GRID2: variants seen among roughly 807,000 people sequenced by gnomAD.
GRID2 encodes glutamate ionotropic receptor delta type subunit 2.
A neutral mutation model predicts 114.8 loss-of-function variants in GRID2; 33 were observed. That is an observed-to-expected ratio of 0.29 (90% CI 0.22 to 0.38). GRID2 has a LOEUF of 0.38. GRID2 is among the 10% of genes least tolerant of loss of function. The probability of loss-of-function intolerance (pLI) is 1.00; values close to 1 mark genes in which losing one functional copy is unlikely to be tolerated. For missense variants in GRID2, 1,184 were observed against 1,257.7 expected (o/e 0.94, Z 0.89); for synonymous variants, 505 against 449.9 (o/e 1.12, Z -1.55).
intron 12 of GRID2, among the ~76,000 whole-genome samples, chr4:93,501,666 G>T (rs1728120352): frequency 6.6e-6 from 1 of 151,998 alleles, no homozygotes; most frequent in Non-Finnish European, 1.5e-5. Flanking sequence ...CTTTCAGTGA[G>T]CATTTAATTA....
At chr4:92,785,889 A>T (rs1238983360) in intron 2 of GRID2, among the ~76,000 whole-genome samples, 1 of 151,846 alleles carries the variant, frequency 6.6e-6, no homozygotes, top group African/African-American at 2.4e-5. Context: ...TCAATACCTG[A>T]TCATGGAAGC....
chr4:92,389,381 T>C (rs1433561255), intron 1 of GRID2, among the ~76,000 whole-genome samples: 1 of 152,054 alleles, frequency 6.6e-6, no homozygotes, highest in Non-Finnish European at 1.5e-5. Context: ...AATCAGTGAC[T>C]CTGATATGAC....
At chr4:93,751,077 ATTC>A (rs1005233873) in intron 14 of GRID2, among the ~76,000 whole-genome samples, 27 of 152,326 alleles carry the variant, frequency 1.8e-4, no homozygotes, top group African/African-American at 6.5e-4. Context: ...GGCTAGGGTC[ATTC>A]TTCTTAAATT....
chr4:93,616,062 G>A lies in GRID2; in HGVS notation c.2194-10207G>A, dbSNP rs552187457. Among the ~76,000 whole-genome samples the A allele has an allele frequency of 1.2e-4, 19 of 152,170 alleles. 2 individuals are homozygous for A. In the South Asian group the frequency reaches 3.9e-3, roughly 32 times the overall value. ...GTCATCTTGTAGTCATATGTCTAAAGGAGCTAGTTATCTCCTTCCATCTCT... is the reference window on the plus strand; with the variant it reads ...GTCATCTTGTAGTCATATGTCTAAAAGAGCTAGTTATCTCCTTCCATCTCT... On this transcript the variant is annotated intron_variant, in intron 13 of 15. Coordinates refer to ENST00000282020, the MANE Select transcript of GRID2 (RefSeq NM_001510.4).
chr4:93,653,264 C>T (rs1722745916), intron 14 of GRID2, among the ~76,000 whole-genome samples: 3 of 152,198 alleles, frequency 2.0e-5, no homozygotes, highest in Admixed American at 1.3e-4. Context: ...CACGCTGTCA[C>T]ATTTCCACCC....
chr4:92,989,621 G>C (rs1431818831), intron 2 of GRID2, among the ~76,000 whole-genome samples: 1 of 152,178 alleles, frequency 6.6e-6, no homozygotes, highest in East Asian at 1.9e-4. Flanking sequence ...GCTCTGGTCT[G>C]AAATTTTTAA....
At chr4:92,616,300 T>C (rs1730001332) in intron 2 of GRID2, among the ~76,000 whole-genome samples, 1 of 151,600 alleles carries the variant, frequency 6.6e-6, no homozygotes, top group Admixed American at 6.6e-5. Context: ...GCAGTGTCTT[T>C]CCACTGCCTT....
chr4:93,429,528 G>A (rs573328078), intron 10 of GRID2, among the ~76,000 whole-genome samples: 5 of 152,208 alleles, frequency 3.3e-5, no homozygotes, highest in Admixed American at 3.3e-4. Flanking sequence ...AAAATAATCT[G>A]TTCCTTCAGC....
At chr4:93,258,020 A>G (rs1197335323) in intron 8 of GRID2, among the ~76,000 whole-genome samples, 1 of 149,240 alleles carries the variant, frequency 6.7e-6, no homozygotes. Context: ...ACACACACAC[A>G]CACACACAAT....
chr4:93,419,273 G>A (rs1025317929), intron 9 of GRID2, among the ~76,000 whole-genome samples: 2 of 151,868 alleles, frequency 1.3e-5, no homozygotes, highest in African/African-American at 4.8e-5. Context: ...TATATTGAGT[G>A]TAGTACCTTG....
chr4:92,929,313 C>T (rs1750054940), intron 2 of GRID2, among the ~76,000 whole-genome samples: 1 of 150,968 alleles, frequency 6.6e-6, no homozygotes, highest in African/African-American at 2.4e-5. Flanking sequence ...TACAGATTTC[C>T]TTGATTTTTT....
intron 4 of GRID2, among the ~76,000 whole-genome samples, chr4:93,123,162 G>C (rs1367395741): frequency 6.6e-6 from 1 of 151,882 alleles, no homozygotes; most frequent in Non-Finnish European, 1.5e-5. Context: ...CACTGATATT[G>C]GTGGACAGTT....
At chr4:93,413,536 T>C (rs1767415047) in intron 9 of GRID2, among the ~76,000 whole-genome samples, 1 of 150,052 alleles carries the variant, frequency 6.7e-6, no homozygotes, top group Admixed American at 6.6e-5. Context: ...GTCTACTTTC[T>C]CACATGCTTG....
chr4:93,450,130 CTG>C (rs2149403884), intron 10 of GRID2, among the ~76,000 whole-genome samples: 1 of 151,774 alleles, frequency 6.6e-6, no homozygotes, highest in African/African-American at 2.4e-5. Context: ...ATTGAGGAAA[CTG>C]ATTATTTAGA....
At chr4:93,653,812 C>T (rs1218797880) in intron 14 of GRID2, among the ~76,000 whole-genome samples, 1 of 151,958 alleles carries the variant, frequency 6.6e-6, no homozygotes, top group African/African-American at 2.4e-5. Flanking sequence ...ACATAGTCAG[C>T]GTGTCTGATT....
chr4:93,192,476 T>C (rs1331468859), intron 4 of GRID2, among the ~76,000 whole-genome samples: 1 of 152,130 alleles, frequency 6.6e-6, no homozygotes, highest in Non-Finnish European at 1.5e-5. Context: ...GCACTGTGGC[T>C]CACGCCTGTA....
intron 2 of GRID2, among the ~76,000 whole-genome samples, chr4:92,752,156 C>T (rs1737483251): frequency 6.6e-6 from 1 of 152,172 alleles, no homozygotes; most frequent in Admixed American, 6.5e-5. Context: ...GAGCAGTATT[C>T]TGTACCTCAA....
At chr4:92,372,685 C>G (rs561838901) in intron 1 of GRID2, among the ~76,000 whole-genome samples, 1 of 152,200 alleles carries the variant, frequency 6.6e-6, no homozygotes, top group Non-Finnish European at 1.5e-5. Context: ...TGCAATTCCT[C>G]CAGTTTCTCC....
chr4:92,984,677 C>G (rs1052295735), intron 2 of GRID2, among the ~76,000 whole-genome samples: 2 of 152,102 alleles, frequency 1.3e-5, no homozygotes, highest in African/African-American at 4.8e-5. Flanking sequence ...AAACTAAAGA[C>G]TATTTGAATT....
Sources: allele counts gnomAD v4.1 joint callset (sites outside exome capture counted in the v4.1 genomes callset), GRCh38; gene constraint gnomAD v4.1.1; transcripts MANE v1.5; gene names NCBI Gene and HGNC (gene_info 2026-07-23, HGNC 2026-07-21).